Variants in PPP1R13B observed in about 807,000 individuals in gnomAD.
The protein encoded by PPP1R13B is apoptosis-stimulating of p53 protein 1.
PPP1R13B carries 44 observed loss-of-function variants against 119.8 expected under a neutral mutation model. That is an observed-to-expected ratio of 0.37 (90% CI 0.29 to 0.47). PPP1R13B has a LOEUF of 0.47. Ranked by LOEUF, PPP1R13B falls within the 20% of genes least tolerant of loss-of-function variation. PPP1R13B has a pLI of 0.99. For synonymous variants in PPP1R13B, 542 were observed against 561.5 expected (o/e 0.97, Z 0.49); for missense variants, 1,227 against 1,413.5 (o/e 0.87, Z 2.12).
At chr14:103,737,582 T>TA (rs925460691) in intron 15 of PPP1R13B, 112 bp downstream of exon 15, 142 of 1,335,400 alleles carry the variant, frequency 1.1e-4, no homozygotes, top group Middle Eastern at 2.4e-4. Flanking sequence ...TCTCCTGTCT[T>TA]AAAAAAAACA....
intron 5 of PPP1R13B, 53 bp from the exon 6 acceptor site, chr14:103,754,297 G>T: frequency 6.5e-7 from 1 of 1,537,076 alleles, no homozygotes. Flanking sequence ...GGGCGCGGTG[G>T]CTCACATCTG....
chr14:103,744,988 G>A lies in PPP1R13B; in HGVS notation c.1150+1385C>T, dbSNP rs574542779. On this transcript the variant is annotated intron_variant, in intron 9 of 16. Coordinates refer to ENST00000202556, the MANE Select transcript of PPP1R13B (RefSeq NM_015316.3). ...TCTCACCTTGGGGAGTTTCTCAAAG[G>A]AAGTCAGCAGAGAAGTAGCTGGCTG... 5.7e-4 allele frequency among the ~76,000 whole-genome samples: 87 copies of A among 152,346 alleles called. 1 individual carries two copies. The highest frequency in any genetic ancestry group is 2.5e-3 in the South Asian group (12 of 4,824).
At chr14:103,810,808 G>A (rs1412213002) in intron 1 of PPP1R13B, among the ~76,000 whole-genome samples, 1 of 151,428 alleles carries the variant, frequency 6.6e-6, no homozygotes, top group African/African-American at 2.4e-5. Flanking sequence ...ACTGCTTGAG[G>A]CTAGGTGTGG....
intron 4 of PPP1R13B, among the ~76,000 whole-genome samples, chr14:103,762,574 T>C (rs754275627): frequency 1.2e-4 from 18 of 147,838 alleles, no homozygotes; most frequent in Non-Finnish European, 2.1e-4. Context: ...GTTGTGCACA[T>C]GTACCCTAAA....
chr14:103,819,720 C>T (rs561746797), intron 1 of PPP1R13B, among the ~76,000 whole-genome samples: 7 of 151,902 alleles, frequency 4.6e-5, no homozygotes, highest in African/African-American at 1.5e-4. Flanking sequence ...CCTACCACAC[C>T]TGCTGCCAAG....
intron 1 of PPP1R13B, among the ~76,000 whole-genome samples, chr14:103,818,325 G>A (rs2086326767): frequency 6.6e-6 from 1 of 152,134 alleles, no homozygotes; most frequent in East Asian, 1.9e-4. Context: ...ACAATTTGTA[G>A]AATTTCAATA....
chr14:103,791,651 G>A (rs1406979247), intron 2 of PPP1R13B, among the ~76,000 whole-genome samples: 2 of 152,102 alleles, frequency 1.3e-5, no homozygotes, highest in East Asian at 1.9e-4. Context: ...TTGAACCCAC[G>A]AGGTGGAGGT....
chr14:103,797,403 C>G lies in PPP1R13B; in HGVS notation c.125G>C (p.Ser42Thr). 1 of 1,614,016 alleles carries G rather than the reference C, an allele frequency of 6.2e-7. No homozygotes were observed. The highest frequency in any genetic ancestry group is 8.5e-7 in the Non-Finnish European group (1 of 1,179,966). ...VEFCKEPGEG[S>T]CHLAEVWRGN... Reference sequence around the variant, plus strand: ...CCTCCACACTTCAGCTAAATGGCAGCTGCCTTCTCCAGGTTCCTTGCAAAA... The same window carrying G: ...CCTCCACACTTCAGCTAAATGGCAGGTGCCTTCTCCAGGTTCCTTGCAAAA... The change falls in exon 2 of 17, where the codon AGC (serine) becomes ACC (threonine). Residue 42 changes from serine (S) to threonine (T), a missense_variant. By Grantham distance (58) the Ser-to-Thr change is moderately conservative. Transcript: ENST00000202556.
intron 3 of PPP1R13B, among the ~76,000 whole-genome samples, chr14:103,783,069 G>A (rs1348124535): frequency 6.6e-6 from 1 of 152,022 alleles, no homozygotes; most frequent in Non-Finnish European, 1.5e-5. Context: ...GCCTCCCAAA[G>A]TGCTGGGATT....
chr14:103,752,943 T>C, intron 7 of PPP1R13B, 57 bp downstream of exon 7: 1 of 1,550,576 alleles, frequency 6.4e-7, no homozygotes. Context: ...CCCATGCTAA[T>C]GAAAGATAGA....
intron 2 of PPP1R13B, 150 bp from the exon 3 acceptor site, chr14:103,785,064 A>C: frequency 4.6e-6 from 3 of 650,980 alleles, no homozygotes; most frequent in Non-Finnish European, 2.3e-6. Context: ...GAATTTCAAC[A>C]TTACTGAGTA....
intron 3 of PPP1R13B, among the ~76,000 whole-genome samples, chr14:103,780,238 C>T (rs761217654): frequency 6.6e-6 from 1 of 151,884 alleles, no homozygotes; most frequent in African/African-American, 2.4e-5. Context: ...GCAATCCCTG[C>T]AGTTTCAGAG....
intron 3 of PPP1R13B, among the ~76,000 whole-genome samples, chr14:103,781,006 AAG>A (rs991381762): frequency 1.3e-5 from 2 of 151,920 alleles, no homozygotes; most frequent in Non-Finnish European, 2.9e-5. Context: ...CGGGGCATGA[AAG>A]AGAGAGTGAA....
chr14:103,761,032 C>T (rs1377856569), intron 4 of PPP1R13B, among the ~76,000 whole-genome samples: 6 of 152,034 alleles, frequency 3.9e-5, no homozygotes, highest in African/African-American at 7.2e-5. Flanking sequence ...TATGTGGCCA[C>T]GCATGATGGC....
chr14:103,819,517 A>C (rs1410561653), intron 1 of PPP1R13B, among the ~76,000 whole-genome samples: 3 of 130,894 alleles, frequency 2.3e-5, no homozygotes, highest in South Asian at 2.4e-4. Context: ...ACAAACAAAC[A>C]AAAAAAAACA....
chr14:103,824,398 G>C (rs1337885136), intron 1 of PPP1R13B, among the ~76,000 whole-genome samples: 1 of 147,258 alleles, frequency 6.8e-6, no homozygotes, highest in East Asian at 2.1e-4. Flanking sequence ...AATTTATTTA[G>C]AGACAGGCAT....
chr14:103,817,696 A>G (rs1226629425), intron 1 of PPP1R13B, among the ~76,000 whole-genome samples: 1 of 152,098 alleles, frequency 6.6e-6, no homozygotes, highest in African/African-American at 2.4e-5. Context: ...TTTGCTTGCT[A>G]TGTTTGAGGA....
chr14:103,742,071 G>A lies in PPP1R13B; in HGVS notation c.1541C>T (p.Ser514Phe). 3 of 1,614,112 alleles carry A rather than the reference G, an allele frequency of 1.9e-6. No individual in the cohort carries two copies. Among genetic ancestry groups the A allele is most frequent in the Non-Finnish European group, 2.5e-6 (3 of 1,180,014 alleles). The change falls in exon 11 of 17, where the codon TCC becomes TTC. Residue 514 changes from serine to phenylalanine, a missense_variant. Ser to Phe is a radical substitution (Grantham distance 155). Transcript: ENST00000202556. The surrounding 1 kb of genome is among the most constrained non-coding windows in gnomAD (Gnocchi z 4.9). ...PATGSTPQPG[S>F]SQQIQQRISV... is the part of the protein sequence containing the mutation. ...AATCCTCTGCTGAATCTGTTGTGAG[G>A]AGCCTGGCTGGGGGGTGCTGCCTGT...
intron 16 of PPP1R13B, 70 bp downstream of exon 16, chr14:103,735,930 ACAG>A: frequency 6.6e-7 from 1 of 1,518,972 alleles, no homozygotes; most frequent in South Asian, 1.2e-5. Flanking sequence ...CCCCAGCCCC[ACAG>A]CAGGATAGGA....
Sources: gnomAD v4.1 joint callset for allele counts (sites outside exome capture counted in the v4.1 genomes callset) on GRCh38, gnomAD v4.1.1 for gene constraint, Gnocchi (gnomAD v3.1) non-coding constraint, MANE v1.5 for transcripts, NCBI Gene and HGNC (gene_info 2026-07-23, HGNC 2026-07-21) for gene names.